Variants in FAM135B observed in about 807,000 individuals in gnomAD.
FAM135B encodes family with sequence similarity 135 member B, also known as protein FAM135B.
In FAM135B, 43 loss-of-function variants were observed where a neutral mutation model predicts 127.7. That is an observed-to-expected ratio of 0.34 (90% CI 0.26 to 0.43). FAM135B has a LOEUF of 0.43. FAM135B is among the 20% of genes least tolerant of loss of function. FAM135B has a pLI of 1.00. For missense variants in FAM135B, 1,558 were observed against 1,725.6 expected (o/e 0.90, Z 1.72); for synonymous variants, 670 against 665.1 (o/e 1.01, Z -0.11).
intron 1 of FAM135B, among the ~76,000 whole-genome samples, chr8:138,443,901 A>G (rs1042385519): frequency 6.6e-6 from 1 of 152,222 alleles, no homozygotes; most frequent in Admixed American, 6.5e-5. Context: ...TGTATTCAGG[A>G]AACCTACCTC....
intron 7 of FAM135B, among the ~76,000 whole-genome samples, chr8:138,218,264 G>A (rs2129985216): frequency 6.6e-6 from 1 of 152,268 alleles, no homozygotes; most frequent in Middle Eastern, 3.4e-3. Flanking sequence ...ACTAAAAATA[G>A]TGAGAAAAAT....
At chr8:138,460,162 C>T (rs1365961187) in intron 1 of FAM135B, among the ~76,000 whole-genome samples, 1 of 152,176 alleles carries the variant, frequency 6.6e-6, no homozygotes, top group African/African-American at 2.4e-5. Context: ...CACTCATTAT[C>T]ACATTTATTA....
chr8:138,368,017 A>G lies in FAM135B; in HGVS notation c.-19-15T>C. The G allele has an allele frequency of 1.3e-6, 2 of 1,575,012 alleles. No homozygotes were observed. Among genetic ancestry groups the G allele is most frequent in the Non-Finnish European group, 1.7e-6 (2 of 1,145,024 alleles). On this transcript the variant is annotated splice_polypyrimidine_tract_variant and intron_variant, in intron 1 of 19. Coordinates refer to ENST00000395297, the MANE Select transcript of FAM135B (RefSeq NM_015912.4). ...TGGCTCATTACCTGAAAAACAAGAGAGAAATTAACAGTTTGAGATCACATC... is the reference window on the plus strand; with the variant it reads ...TGGCTCATTACCTGAAAAACAAGAGGGAAATTAACAGTTTGAGATCACATC...
At chr8:138,389,804 T>A (rs75214144) in intron 1 of FAM135B, among the ~76,000 whole-genome samples, 1 of 152,294 alleles carries the variant, frequency 6.6e-6, no homozygotes, top group Non-Finnish European at 1.5e-5. Flanking sequence ...ATGGATCCAA[T>A]TGTGTTTGTG....
At chr8:138,245,102 C>T (rs902796495) in intron 6 of FAM135B, among the ~76,000 whole-genome samples, 3 of 152,152 alleles carry the variant, frequency 2.0e-5, no homozygotes, top group African/African-American at 7.2e-5. Flanking sequence ...GAAGACAATT[C>T]TATTTTTACC....
In FAM135B at chr8:138,147,598, G is replaced by C. The variant is rs57707994; in HGVS notation, c.3448+922C>G. 4.1e-3 allele frequency among the ~76,000 whole-genome samples: 618 copies of C among 152,226 alleles called. 5 individuals carry two copies. The highest frequency in any genetic ancestry group is 0.014 in the African/African-American group (595 of 41,538). ...GATCCTGAAAATTCTGCAGAGTTTA[G>C]ACATATGCACCTTGAACTAGAGAAG... On this transcript the variant is annotated intron_variant, in intron 14 of 19. Coordinates refer to ENST00000395297, the MANE Select transcript of FAM135B (RefSeq NM_015912.4).
intron 5 of FAM135B, among the ~76,000 whole-genome samples, chr8:138,251,268 C>T (rs1821677931): frequency 6.6e-6 from 1 of 152,168 alleles, no homozygotes; most frequent in African/African-American, 2.4e-5. Flanking sequence ...CTGTCACGGA[C>T]ATCAAGTTCA....
chr8:138,157,248 A>C (rs536197826), intron 12 of FAM135B, among the ~76,000 whole-genome samples: 68 of 152,244 alleles, frequency 4.5e-4, no homozygotes, highest in East Asian at 3.9e-3. Context: ...ATTCAACAGC[A>C]CTTCATGCTA....
chr8:138,207,142 A>G (rs1482440960), intron 7 of FAM135B, among the ~76,000 whole-genome samples: 2 of 152,156 alleles, frequency 1.3e-5, no homozygotes, highest in Non-Finnish European at 2.9e-5. Flanking sequence ...TCAGGGAGAA[A>G]ATATTGATCA....
Position 138,132,447 on chromosome 8 carries a change from A to G in FAM135B, c.*146T>C, listed in dbSNP as rs1278880103. ...TTTCTCGAATCTCCAAAACAAAAGC[A>G]CCTCTCATGTCAGGTTCCACCCGAG... On this transcript the variant is annotated 3_prime_UTR_variant, in exon 20 of 20. Transcript: ENST00000395297. The surrounding 1 kb of genome is among the most constrained non-coding windows in gnomAD (Gnocchi z 4.5). The G allele has an allele frequency of 4.5e-6, 3 of 670,512 alleles. No individual in the cohort carries two copies. The highest frequency in any genetic ancestry group is 7.8e-6 in the Non-Finnish European group (3 of 383,092). The allele number at this position is 670,512 out of a possible 1,614,324, so 41.5% of individuals were successfully genotyped here.
intron 1 of FAM135B, among the ~76,000 whole-genome samples, chr8:138,491,142 CAAAA>C (rs796189435): frequency 4.1e-5 from 3 of 73,756 alleles, no homozygotes; most frequent in Admixed American, 2.9e-4. Flanking sequence ...AACTCTCTCT[CAAAA>C]AAAAAAAAAA....
intron 12 of FAM135B, among the ~76,000 whole-genome samples, chr8:138,153,765 G>T (rs1216743325): frequency 1.3e-5 from 2 of 152,190 alleles, no homozygotes; most frequent in East Asian, 3.9e-4. Context: ...GCTGAGGCTT[G>T]AGTAGGTAAA....
intron 7 of FAM135B, among the ~76,000 whole-genome samples, chr8:138,221,910 T>C (rs1226134993): frequency 1.3e-5 from 2 of 152,094 alleles, no homozygotes; most frequent in Non-Finnish European, 2.9e-5. Flanking sequence ...AAAACCACAA[T>C]GCCTATCATT....
At chr8:138,171,231 C>A (rs1271276844) in intron 11 of FAM135B, among the ~76,000 whole-genome samples, 1 of 152,156 alleles carries the variant, frequency 6.6e-6, no homozygotes, top group Non-Finnish European at 1.5e-5. Context: ...CTGGAGAACG[C>A]TGACAAAAAC....
At chr8:138,443,752 T>C (rs1221155292) in intron 1 of FAM135B, among the ~76,000 whole-genome samples, 2 of 151,946 alleles carry the variant, frequency 1.3e-5, no homozygotes, top group Non-Finnish European at 2.9e-5. Flanking sequence ...AAGACGCAGG[T>C]TATATGCCAG....
chr8:138,455,498 T>C (rs1329074354), intron 1 of FAM135B, among the ~76,000 whole-genome samples: 1 of 152,186 alleles, frequency 6.6e-6, no homozygotes, highest in Non-Finnish European at 1.5e-5. Context: ...CCAGACATTG[T>C]TCTGAGAGCT....
At chr8:138,353,536 C>T (rs760567236) in intron 2 of FAM135B, among the ~76,000 whole-genome samples, 5 of 152,108 alleles carry the variant, frequency 3.3e-5, no homozygotes, top group African/African-American at 4.8e-5. Flanking sequence ...GTTTCTTCAC[C>T]TTCAAATATA....
chr8:138,156,814 C>G (rs1818801641), intron 12 of FAM135B, among the ~76,000 whole-genome samples: 1 of 152,110 alleles, frequency 6.6e-6, no homozygotes, highest in Non-Finnish European at 1.5e-5. Context: ...AATAGCCTAC[C>G]AACCAAAAAA....
intron 1 of FAM135B, among the ~76,000 whole-genome samples, chr8:138,484,910 A>G (rs894687319): frequency 6.6e-6 from 1 of 152,168 alleles, no homozygotes; most frequent in African/African-American, 2.4e-5. Flanking sequence ...ATCTTTATAC[A>G]TTTCCTTTAA....
Sources: allele counts gnomAD v4.1 joint callset (sites outside exome capture counted in the v4.1 genomes callset), GRCh38; gene constraint gnomAD v4.1.1; non-coding constraint Gnocchi (gnomAD v3.1); transcripts MANE v1.5; gene names NCBI Gene and HGNC (gene_info 2026-07-23, HGNC 2026-07-21).